Variants in TMPRSS15 observed in about 807,000 individuals in gnomAD.
TMPRSS15 encodes enteropeptidase.
A neutral mutation model predicts 125.3 loss-of-function variants in TMPRSS15; 128 were observed. That is an observed-to-expected ratio of 1.02 (90% CI 0.89 to 1.18). The LOEUF (loss-of-function observed/expected upper bound fraction) is 1.18, where lower values mean the gene tolerates loss of function less well. Among genes scored for constraint, TMPRSS15 ranks in the 50% most tolerant of loss-of-function variants. TMPRSS15 has a pLI of 0.00. For missense variants in TMPRSS15, 1,283 were observed against 1,212.7 expected, an observed-to-expected ratio of 1.06 and a Z score of -0.86; for synonymous variants, 446 against 423.2, an observed-to-expected ratio of 1.05 and a Z score of -0.66.
chr21:18,319,490 G>A (rs902665166), intron 16 of TMPRSS15, among the ~76,000 whole-genome samples: 29 of 143,210 alleles, frequency 2.0e-4, no homozygotes, highest in African/African-American at 6.0e-4. Flanking sequence ...GTACAATGGC[G>A]CCATCTCGGC....
chr21:18,439,966 G>A (rs1456736221), intron 1 of TMPRSS15, among the ~76,000 whole-genome samples: 2 of 152,166 alleles, frequency 1.3e-5, no homozygotes, highest in African/African-American at 4.8e-5. Flanking sequence ...AGGTTGTGGG[G>A]TTGTTGTGGA....
intron 16 of TMPRSS15, among the ~76,000 whole-genome samples, chr21:18,316,917 T>A (rs1274235763): frequency 6.6e-6 from 1 of 152,096 alleles, no homozygotes; most frequent in East Asian, 1.9e-4. Flanking sequence ...TGGAATTTGG[T>A]TCCCTAACAA....
At chr21:18,302,074 T>C (rs888204124) in intron 18 of TMPRSS15, among the ~76,000 whole-genome samples, 8 of 152,210 alleles carry the variant, frequency 5.3e-5, no homozygotes, top group Admixed American at 1.3e-4. Context: ...TGATAAGAAT[T>C]CTTCCCTGGA....
intron 24 of TMPRSS15, among the ~76,000 whole-genome samples, chr21:18,274,805 C>T (rs887972264): frequency 7.2e-5 from 11 of 152,164 alleles, no homozygotes; most frequent in Admixed American, 6.5e-5. Flanking sequence ...TAAACTGGCC[C>T]TCAAGCCCTG....
At chr21:18,313,436 A>G (rs888282609) in intron 17 of TMPRSS15, among the ~76,000 whole-genome samples, 10 of 150,834 alleles carry the variant, frequency 6.6e-5, no homozygotes, top group Non-Finnish European at 1.3e-4. Context: ...AATATATATT[A>G]TATATAATAA....
chr21:18,426,949 GA>G (rs1486847252), intron 1 of TMPRSS15, among the ~76,000 whole-genome samples: 1 of 152,166 alleles, frequency 6.6e-6, no homozygotes, highest in African/African-American at 2.4e-5. Context: ...ACACATAAAG[GA>G]AGTGTTCGCC....
intron 10 of TMPRSS15, among the ~76,000 whole-genome samples, chr21:18,352,614 T>C (rs2075581481): frequency 6.6e-6 from 1 of 152,098 alleles, no homozygotes; most frequent in Middle Eastern, 3.4e-3. Flanking sequence ...ACTTAGTTAA[T>C]AATAAGTGGC....
chr21:18,405,101 G>T (rs1035970016), upstream of TMPRSS15, among the ~76,000 whole-genome samples: 2 of 152,094 alleles, frequency 1.3e-5, no homozygotes, highest in Non-Finnish European at 2.9e-5. Flanking sequence ...TGTATGGCTA[G>T]TGCAGAAGCA....
At chr21:18,339,620 G>A (rs1436299152) in intron 13 of TMPRSS15, among the ~76,000 whole-genome samples, 1 of 152,048 alleles carries the variant, frequency 6.6e-6, no homozygotes, top group Non-Finnish European at 1.5e-5. Flanking sequence ...ACACACATGA[G>A]GTTTAACCCA....
At chr21:18,329,347 A>G in intron 14 of TMPRSS15, 53 bp from the exon 15 acceptor site, 1 of 1,571,638 alleles carries the variant, frequency 6.4e-7, no homozygotes, top group Non-Finnish European at 8.7e-7. Context: ...GATTTCTCTT[A>G]AAAGCTTCAC....
At chr21:18,339,662 C>T (rs943853675) in intron 13 of TMPRSS15, among the ~76,000 whole-genome samples, 4 of 150,290 alleles carry the variant, frequency 2.7e-5, no homozygotes, top group Admixed American at 1.3e-4. Flanking sequence ...CAGCTTCCAA[C>T]CACCACAATC....
chr21:18,316,332 T>C (rs554694960), intron 16 of TMPRSS15, among the ~76,000 whole-genome samples: 4 of 152,238 alleles, frequency 2.6e-5, no homozygotes, highest in Non-Finnish European at 4.4e-5. Context: ...GCAACAACCA[T>C]TGAACTGTTA....
At chr21:18,297,679 C>T (rs2074921517) in intron 19 of TMPRSS15, 55 bp downstream of exon 19, 1 of 1,348,496 alleles carries the variant, frequency 7.4e-7, no homozygotes. Flanking sequence ...CTTCAACAAT[C>T]TATCTTCTGC....
intron 22 of TMPRSS15, among the ~76,000 whole-genome samples, chr21:18,280,298 C>T (rs544612461): frequency 7.9e-5 from 12 of 152,174 alleles, no homozygotes; most frequent in East Asian, 1.9e-4. Flanking sequence ...CTATGAAGGC[C>T]GGGCACGGTG....
At chr21:18,327,011 G>C (rs1436597370) in intron 15 of TMPRSS15, among the ~76,000 whole-genome samples, 1 of 152,130 alleles carries the variant, frequency 6.6e-6, no homozygotes, top group African/African-American at 2.4e-5. Flanking sequence ...GGATTATTTG[G>C]AGATTGGGAA....
intron 7 of TMPRSS15, among the ~76,000 whole-genome samples, chr21:18,361,376 T>A (rs575492752): frequency 6.6e-6 from 1 of 152,166 alleles, no homozygotes; most frequent in East Asian, 1.9e-4. Flanking sequence ...TCCTTGGGCA[T>A]GAGTTTGGCT....
intron 21 of TMPRSS15, among the ~76,000 whole-genome samples, chr21:18,292,691 T>A (rs1219219641): frequency 1.3e-5 from 2 of 152,226 alleles, no homozygotes; most frequent in Non-Finnish European, 2.9e-5. Context: ...AAGATCTACC[T>A]ATGTGCAACA....
intron 8 of TMPRSS15, among the ~76,000 whole-genome samples, chr21:18,358,897 C>T (rs767188650): frequency 6.6e-6 from 1 of 152,010 alleles, no homozygotes; most frequent in Non-Finnish European, 1.5e-5. Flanking sequence ...ATTCACTTTT[C>T]ATTACGTATA....
chr21:18,394,318 A>C (rs866123580), intron 3 of TMPRSS15, among the ~76,000 whole-genome samples: 5 of 152,180 alleles, frequency 3.3e-5, no homozygotes, highest in Admixed American at 1.3e-4. Flanking sequence ...TGGGAAGATA[A>C]GGAAAATTCT....
Sources: allele counts gnomAD v4.1 joint callset (sites outside exome capture counted in the v4.1 genomes callset), GRCh38; gene constraint gnomAD v4.1.1; transcripts MANE v1.5; gene names NCBI Gene and HGNC (gene_info 2026-07-23, HGNC 2026-07-21).